Variants in TENM1 observed in about 807,000 individuals in gnomAD.
TENM1 encodes teneurin transmembrane protein 1.
In TENM1, 35 loss-of-function variants were observed where a neutral mutation model predicts 174.8. The ratio of observed to expected loss-of-function variants is 0.20; its 90% CI spans 0.15 to 0.27. The LOEUF (loss-of-function observed/expected upper bound fraction) is 0.27, where lower values mean the gene tolerates loss of function less well. Among genes scored for constraint, TENM1 ranks in the 10% least tolerant of loss-of-function variants. The pLI, the probability that TENM1 is intolerant of heterozygous loss-of-function variation, is 1.00. For synonymous variants in TENM1, 781 were observed against 798.7 expected, an observed-to-expected ratio of 0.98 and a Z score of 0.37; for missense variants, 1,633 against 2,130.1, an observed-to-expected ratio of 0.77 and a Z score of 4.59.
At chrX:125,042,605 T>C in the TENM1 span, among the ~76,000 whole-genome samples, 1 of 111,386 alleles carries the variant, frequency 9.0e-6, no homozygotes, top group Non-Finnish European at 1.9e-5. Context: ...TGGACCTCTT[T>C]GAACAAAAAT....
the TENM1 span, among the ~76,000 whole-genome samples, chrX:125,037,921 G>A: frequency 1.8e-5 from 2 of 111,377 alleles, no homozygotes; most frequent in East Asian, 5.7e-4. Context: ...GAATCAAGTG[G>A]GAAAGAACTT....
the TENM1 span, among the ~76,000 whole-genome samples, chrX:125,150,789 C>A: frequency 8.9e-6 from 1 of 112,558 alleles, no homozygotes; most frequent in African/African-American, 3.2e-5. Context: ...CAAGGCATCA[C>A]AATAGATTTT....
At chrX:124,409,166 T>G (rs1232664966) in intron 25 of TENM1, among the ~76,000 whole-genome samples, 10 of 110,361 alleles carry the variant, frequency 9.1e-5, no homozygotes, top group Admixed American at 2.9e-4. Context: ...ATGATTTATA[T>G]TCCTTCGGGT....
At chrX:124,791,720 T>C (rs773065957) in intron 3 of TENM1, among the ~76,000 whole-genome samples, 1 of 112,062 alleles carries the variant, frequency 8.9e-6, no homozygotes, top group Admixed American at 9.5e-5. Flanking sequence ...AATTTCACTA[T>C]TCATATTATG....
chrX:124,798,223 G>C (rs1335114866), intron 3 of TENM1, among the ~76,000 whole-genome samples: 1 of 111,066 alleles, frequency 9.0e-6, no homozygotes. Context: ...GGGATTGCTG[G>C]GTCAAATGGT....
chrX:124,563,784 G>A lies in TENM1; in HGVS notation c.2264-12C>T. ...ATCTAAGTAGTGAGCTAAAAGGGAG[G>A]GGAAAAGAGTGATCAAATGAATTTC... On this transcript the variant is annotated splice_polypyrimidine_tract_variant and intron_variant, in intron 12 of 31. Coordinates refer to ENST00000422452, the Ensembl canonical transcript of TENM1. The A allele has an allele frequency of 1.7e-6, 2 of 1,188,033 alleles. No homozygotes were observed. Among genetic ancestry groups the A allele is most frequent in the Non-Finnish European group, 2.3e-6 (2 of 879,749 alleles).
intron 5 of TENM1, among the ~76,000 whole-genome samples, chrX:124,692,546 A>T (rs1240313295): frequency 9.2e-6 from 1 of 109,151 alleles, no homozygotes; most frequent in Non-Finnish European, 1.9e-5. Flanking sequence ...TGTCCACCTG[A>T]CATGTCTTGA....
At chrX:124,686,737 C>G (rs1028197014) in intron 5 of TENM1, among the ~76,000 whole-genome samples, 8 of 112,161 alleles carry the variant, frequency 7.1e-5, no homozygotes, top group African/African-American at 2.3e-4. Flanking sequence ...ATGTTAAAAA[C>G]TCTCAATAAA....
At chrX:124,843,101 A>AT (rs940999454) in intron 3 of TENM1, among the ~76,000 whole-genome samples, 1 of 111,160 alleles carries the variant, frequency 9.0e-6, no homozygotes, top group Non-Finnish European at 1.9e-5. Context: ...TCAGAGTATC[A>AT]TTTTTGCCTT....
chrX:125,112,198 A>C, the TENM1 span, among the ~76,000 whole-genome samples: 1 of 106,073 alleles, frequency 9.4e-6, no homozygotes, highest in African/African-American at 3.4e-5. Flanking sequence ...GTTTGGTTTC[A>C]GATATGCTTA....
At chrX:124,396,840 G>T (rs887490376) in intron 27 of TENM1, among the ~76,000 whole-genome samples, 2 of 111,558 alleles carry the variant, frequency 1.8e-5, no homozygotes, top group African/African-American at 3.3e-5. Context: ...AAAAGAGAAG[G>T]GGGGGAAAAA....
At chrX:124,776,000 T>C (rs1220107892) in intron 3 of TENM1, among the ~76,000 whole-genome samples, 1 of 112,283 alleles carries the variant, frequency 8.9e-6, no homozygotes, top group African/African-American at 3.2e-5. Flanking sequence ...TATGACTGTG[T>C]ACATCTTTAT....
chrX:124,520,732 A>G, exon 18 of TENM1: 1 of 1,206,577 alleles, frequency 8.3e-7, no homozygotes, highest in Non-Finnish European at 1.1e-6. Flanking sequence ...GCGGCTGCTC[A>G]GGTAACTCAG....
intron 3 of TENM1, among the ~76,000 whole-genome samples, chrX:124,880,960 G>A (rs2057292620): frequency 1.8e-5 from 2 of 111,866 alleles, no homozygotes; most frequent in African/African-American, 6.5e-5. Flanking sequence ...ATTTTTGCAT[G>A]TATATTCATC....
the TENM1 span, among the ~76,000 whole-genome samples, chrX:125,042,663 G>A: frequency 9.0e-6 from 1 of 111,327 alleles, no homozygotes; most frequent in South Asian, 3.8e-4. Flanking sequence ...GCAGTAGGTG[G>A]GAGCAGTTTG....
chrX:125,158,187 G>A, the TENM1 span, among the ~76,000 whole-genome samples: 4 of 109,547 alleles, frequency 3.7e-5, no homozygotes, highest in Admixed American at 2.9e-4. Context: ...GGCAGATCAC[G>A]AGGTCAAGAG....
chrX:124,849,347 C>T (rs2056673326), intron 3 of TENM1, among the ~76,000 whole-genome samples: 1 of 111,074 alleles, frequency 9.0e-6, no homozygotes, highest in Non-Finnish European at 1.9e-5. Flanking sequence ...ATATCACTCT[C>T]ACAATTATAT....
rs754871275 is a variant in TENM1, at chrX:124,381,216, G to A, written c.7519C>T (p.Arg2507Ter). 1 of 1,206,236 alleles carries A rather than the reference G, an allele frequency of 8.3e-7. No individual in the cohort carries two copies. The highest frequency in any genetic ancestry group is 1.1e-6 in the Non-Finnish European group (1 of 894,871). Residue 2507 changes from arginine to a stop codon, truncating the protein, a stop_gained, in exon 32 of 32, where the codon CGA becomes TGA. Transcript: ENST00000422452. LOFTEE classifies it high-confidence loss of function. ...TCAAGGCACCGTCCATCATTGTATC[G>A]GGGAGTCATAGGTAGTTGGTCCAAG...
intron 3 of TENM1, among the ~76,000 whole-genome samples, chrX:124,840,100 C>A (rs1168461885): frequency 8.9e-6 from 1 of 111,882 alleles, no homozygotes; most frequent in African/African-American, 3.2e-5. Flanking sequence ...TAAGCAGGAT[C>A]TGATTAACCT....
Sources: gnomAD v4.1 joint callset for allele counts (sites outside exome capture counted in the v4.1 genomes callset) on GRCh38, gnomAD v4.1.1 for gene constraint, MANE v1.5 for transcripts, NCBI Gene and HGNC (gene_info 2026-07-23, HGNC 2026-07-21) for gene names.